Variants in OSBPL10 observed in about 807,000 individuals in gnomAD.
The protein encoded by OSBPL10 is oxysterol binding protein like 10, also known as oxysterol-binding protein-related protein 10.
In OSBPL10, 49 loss-of-function variants were observed where a neutral mutation model predicts 81.7. The observed-to-expected ratio is 0.60, with a 90% CI of 0.48 to 0.76. The LOEUF (loss-of-function observed/expected upper bound fraction) is 0.76, where lower values mean the gene tolerates loss of function less well. Ranked by LOEUF, OSBPL10 falls within the 30% of genes least tolerant of loss-of-function variation. OSBPL10 has a pLI of 0.00. For missense variants in OSBPL10, 923 were observed against 987.8 expected (o/e 0.93, Z 0.88); for synonymous variants, 419 against 383.6 (o/e 1.09, Z -1.08).
intron 4 of OSBPL10, among the ~76,000 whole-genome samples, chr3:31,768,069 G>A (rs554054612): frequency 5.9e-5 from 9 of 152,258 alleles, no homozygotes; most frequent in South Asian, 2.1e-4. Flanking sequence ...TGAGTTTTCC[G>A]GGAAAGGGGT....
rs192425742 is a variant in OSBPL10 at position 32,075,666 on chromosome 3, C to G, written n.185+1730G>C. Among the ~76,000 whole-genome samples, 184 of 152,256 alleles carry G rather than the reference C, an allele frequency of 1.2e-3. 2 individuals carry two copies. The highest frequency in any genetic ancestry group is 4.3e-3 in the African/African-American group (180 of 41,546). On this transcript the variant is annotated intron_variant and non_coding_transcript_variant, in intron 1 of 3. Coordinates refer to the OSBPL10 transcript ENST00000479173. Reference sequence around the variant, plus strand: ...GCCCCTAATCCCGCTTGAAGCAGCCCTGAGAGACATTGCCCATTATCTCTC... The same window carrying G: ...GCCCCTAATCCCGCTTGAAGCAGCCGTGAGAGACATTGCCCATTATCTCTC...
intron 1 of OSBPL10, among the ~76,000 whole-genome samples, chr3:32,054,241 G>A (rs1699690264): frequency 6.6e-6 from 1 of 151,970 alleles, no homozygotes; most frequent in South Asian, 2.1e-4. Context: ...TCTAAATTAT[G>A]TCTTTTTCTG....
chr3:31,829,320 A>T (rs1575571116), intron 4 of OSBPL10, among the ~76,000 whole-genome samples: 1 of 152,246 alleles, frequency 6.6e-6, no homozygotes, highest in South Asian at 2.1e-4. Flanking sequence ...GCAGAGGATG[A>T]CAGGGATACT....
chr3:31,878,310 C>A (rs761524384), intron 2 of OSBPL10, among the ~76,000 whole-genome samples: 8 of 152,110 alleles, frequency 5.3e-5, no homozygotes, highest in Admixed American at 2.0e-4. Context: ...AGTGCCATTA[C>A]GTTTTTCGTC....
At chr3:31,877,413 T>C (rs1429916262) in intron 2 of OSBPL10, among the ~76,000 whole-genome samples, 1 of 152,194 alleles carries the variant, frequency 6.6e-6, no homozygotes, top group Non-Finnish European at 1.5e-5. Flanking sequence ...TCATGTTGTA[T>C]AGTTATGTCC....
intron 1 of OSBPL10, among the ~76,000 whole-genome samples, chr3:31,953,938 G>T (rs1245117077): frequency 1.3e-5 from 2 of 152,220 alleles, no homozygotes; most frequent in Non-Finnish European, 2.9e-5. Context: ...CCATCAGAGA[G>T]TTCAGCAGCT....
chr3:31,870,942 G>A (rs1414720779), intron 3 of OSBPL10, among the ~76,000 whole-genome samples: 1 of 152,098 alleles, frequency 6.6e-6, no homozygotes, highest in Non-Finnish European at 1.5e-5. Context: ...TCTATACTCT[G>A]TATCTAACTA....
At chr3:31,893,712 A>C (rs114391152) in intron 1 of OSBPL10, among the ~76,000 whole-genome samples, 1 of 152,110 alleles carries the variant, frequency 6.6e-6, no homozygotes, top group Non-Finnish European at 1.5e-5. Context: ...TACAACATGG[A>C]TGAACCTCAA....
chr3:31,920,032 C>A (rs2125704805), intron 1 of OSBPL10, among the ~76,000 whole-genome samples: 1 of 152,302 alleles, frequency 6.6e-6, no homozygotes, highest in East Asian at 1.9e-4. Flanking sequence ...TGAGTTCTGA[C>A]TGGCCAGCCA....
chr3:32,046,397 G>C (rs1466455415), intron 2 of OSBPL10: 3 of 152,132 alleles, frequency 2.0e-5, no homozygotes, highest in African/African-American at 4.8e-5. Context: ...TAGACTCCAA[G>C]TTCATTGTAC....
At chr3:31,736,957 C>T (rs1697192717) in intron 5 of OSBPL10, among the ~76,000 whole-genome samples, 1 of 152,222 alleles carries the variant, frequency 6.6e-6, no homozygotes, top group Admixed American at 6.5e-5. Flanking sequence ...GGACAACGTT[C>T]CCTCCATTCT....
At chr3:32,059,545 C>A (rs764059679) in intron 1 of OSBPL10, among the ~76,000 whole-genome samples, 1 of 150,664 alleles carries the variant, frequency 6.6e-6, no homozygotes, top group Non-Finnish European at 1.5e-5. Flanking sequence ...GAGCCGAGAT[C>A]GCACCACTGC....
At chr3:31,828,342 A>G (rs1056837517) in intron 4 of OSBPL10, among the ~76,000 whole-genome samples, 2 of 152,214 alleles carry the variant, frequency 1.3e-5, no homozygotes, top group African/African-American at 2.4e-5. Context: ...AACAAGAACA[A>G]TGGAAAGTTG....
intron 4 of OSBPL10, among the ~76,000 whole-genome samples, chr3:31,794,198 G>A (rs997315992): frequency 1.3e-5 from 2 of 152,222 alleles, no homozygotes; most frequent in East Asian, 3.9e-4. Context: ...AGGTTGGAGT[G>A]CAATGGCACA....
intron 4 of OSBPL10, among the ~76,000 whole-genome samples, chr3:31,811,394 T>G (rs1425351619): frequency 6.6e-6 from 1 of 152,190 alleles, no homozygotes; most frequent in Non-Finnish European, 1.5e-5. Flanking sequence ...GTGCCCCATG[T>G]GCGGCGCAGG....
chr3:32,059,036 T>C (rs775208698), intron 1 of OSBPL10, among the ~76,000 whole-genome samples: 3 of 152,128 alleles, frequency 2.0e-5, no homozygotes, highest in Non-Finnish European at 4.4e-5. Context: ...TGGTGGCTCA[T>C]ACCTGTAATA....
At chr3:31,749,930 C>T (rs919905908) in intron 4 of OSBPL10, among the ~76,000 whole-genome samples, 13 of 152,054 alleles carry the variant, frequency 8.5e-5, no homozygotes, top group Non-Finnish European at 1.9e-4. Flanking sequence ...CCTGTAATCC[C>T]AACACTTTGG....
rs1436121481 is a variant in OSBPL10 at position 31,783,136 on chromosome 3, T to TAC, written c.730-35017_730-35016insGT. Among the ~76,000 whole-genome samples the TAC allele has an allele frequency of 9.6e-4, 73 of 75,656 alleles. 6 individuals are homozygous for TAC. Among genetic ancestry groups the TAC allele is most frequent in the African/African-American group, 3.0e-3 (71 of 24,028 alleles). 49.6% of individuals were successfully genotyped at this position (75,656 alleles called of 152,430 possible). The stretch of plus-strand genomic sequence containing the variant: ...TTATATATATATATATATATATATA[T>TAC]ATATATATATACACACACACCATAG... On this transcript the variant is annotated intron_variant, in intron 4 of 11. Coordinates refer to ENST00000396556, the MANE Select transcript of OSBPL10 (RefSeq NM_017784.5).
At chr3:31,712,143 T>C (rs977909588) in intron 6 of OSBPL10, among the ~76,000 whole-genome samples, 2 of 152,180 alleles carry the variant, frequency 1.3e-5, no homozygotes, top group South Asian at 2.1e-4. Flanking sequence ...GGCCTTATAA[T>C]AGGACTCATT....
Sources: allele counts gnomAD v4.1 joint callset (sites outside exome capture counted in the v4.1 genomes callset), GRCh38; gene constraint gnomAD v4.1.1; transcripts MANE v1.5; gene names NCBI Gene and HGNC (gene_info 2026-07-23, HGNC 2026-07-21).